The following TAFA5 variants were observed in gnomAD, a reference collection of about 807,000 sequenced individuals.
TAFA5 encodes the protein TAFA chemokine like family member 5.
A neutral mutation model predicts 15.3 loss-of-function variants in TAFA5; 6 were observed. The observed-to-expected ratio is 0.39, with a 90% CI of 0.21 to 0.77. The LOEUF is 0.77. Among genes scored for constraint, TAFA5 ranks in the 30% least tolerant of loss-of-function variants. The pLI, the probability that TAFA5 is intolerant of heterozygous loss-of-function variation, is 0.41. For synonymous variants in TAFA5, 103 were observed against 80.7 expected, an observed-to-expected ratio of 1.28 and a Z score of -1.48; for missense variants, 161 against 193.1, an observed-to-expected ratio of 0.83 and a Z score of 0.98.
At chr22:48,667,551 A>G (rs1927659390) in intron 2 of TAFA5, among the ~76,000 whole-genome samples, 1 of 152,040 alleles carries the variant, frequency 6.6e-6, no homozygotes, top group South Asian at 2.1e-4. Context: ...TCCCCTGTTG[A>G]TATTTATTTA....
chr22:48,591,041 G>A (rs1033948198), intron 1 of TAFA5, among the ~76,000 whole-genome samples: 1 of 152,106 alleles, frequency 6.6e-6, no homozygotes, highest in African/African-American at 2.4e-5. Flanking sequence ...TAGTAGAGAT[G>A]GGGTTTCGCC....
At position 48,509,844 on chromosome 22, in the gene TAFA5, G is replaced by A. The variant is rs191957864; in HGVS notation, c.112+20140G>A. Among the ~76,000 whole-genome samples, 3 of 151,888 alleles carry A rather than the reference G, an allele frequency of 2.0e-5. No homozygotes were observed. The East Asian group carries it at 5.8e-4, about 29-fold the overall frequency. ...CGGGCGCCTGTAGTCCCAGCTACTT[G>A]GGAGGCTGAGGCAGGAGAATGGCGT... is the stretch of plus-strand genomic sequence containing the variant. On this transcript the variant is annotated intron_variant, in intron 1 of 3. Coordinates refer to ENST00000402357, the MANE Select transcript of TAFA5 (RefSeq NM_001082967.3).
chr22:48,518,517 G>C (rs1170219170), intron 1 of TAFA5, among the ~76,000 whole-genome samples: 1 of 152,186 alleles, frequency 6.6e-6, no homozygotes, highest in Non-Finnish European at 1.5e-5. Context: ...GAGGGCTCTT[G>C]TCTCTTTTCC....
chr22:48,621,016 C>CTT (rs1925808185), intron 1 of TAFA5, among the ~76,000 whole-genome samples: 1 of 140,620 alleles, frequency 7.1e-6, no homozygotes, highest in Non-Finnish European at 1.5e-5. Context: ...TCCACCCATC[C>CTT]ACCCACACTA....
At chr22:48,586,313 C>T (rs750538892) in intron 1 of TAFA5, among the ~76,000 whole-genome samples, 17 of 152,252 alleles carry the variant, frequency 1.1e-4, no homozygotes, top group Admixed American at 4.6e-4. Context: ...CTGCATCACC[C>T]GTCTTGCAGG....
At chr22:48,673,412 T>G (rs1927863694) in intron 2 of TAFA5, among the ~76,000 whole-genome samples, 2 of 152,166 alleles carry the variant, frequency 1.3e-5, no homozygotes, top group South Asian at 4.1e-4. Flanking sequence ...GCCTGTCTCG[T>G]CGCTTTCTGG....
chr22:48,576,303 C>CCCCCA, intron 1 of TAFA5: 2 of 1,178,702 alleles, frequency 1.7e-6, no homozygotes, highest in East Asian at 3.6e-5. Context: ...CCCCCCTGCC[C>CCCCCA]AGAAAGACAC....
intron 1 of TAFA5, among the ~76,000 whole-genome samples, chr22:48,491,627 C>T (rs1928157526): frequency 6.6e-6 from 1 of 152,276 alleles, no homozygotes; most frequent in African/African-American, 2.4e-5. Context: ...GAGCGCGGTA[C>T]ACACTGTCTC....
At chr22:48,660,887 C>T (rs1927414906) in intron 2 of TAFA5, among the ~76,000 whole-genome samples, 1 of 152,248 alleles carries the variant, frequency 6.6e-6, no homozygotes, top group South Asian at 2.1e-4. Context: ...CCGATCCGTG[C>T]CTACAGCTGC....
intron 2 of TAFA5, among the ~76,000 whole-genome samples, chr22:48,651,132 C>T (rs1337273197): frequency 1.3e-5 from 2 of 152,216 alleles, no homozygotes; most frequent in Non-Finnish European, 2.9e-5. Flanking sequence ...ACTCCTTTCC[C>T]AGGAAATCAA....
intron 1 of TAFA5, among the ~76,000 whole-genome samples, chr22:48,583,429 C>A (rs528785429): frequency 6.7e-6 from 1 of 150,160 alleles, no homozygotes; most frequent in Non-Finnish European, 1.5e-5. Flanking sequence ...ACACACACCA[C>A]ACACACAGTA....
chr22:48,713,614 G>A (rs903093657), intron 3 of TAFA5, among the ~76,000 whole-genome samples: 1 of 152,228 alleles, frequency 6.6e-6, no homozygotes, highest in African/African-American at 2.4e-5. Context: ...CTCGTGGTTC[G>A]AGAGCTCTCC....
At chr22:48,493,358 TCTATAA>T (rs1928220499) in intron 1 of TAFA5, among the ~76,000 whole-genome samples, 1 of 152,036 alleles carries the variant, frequency 6.6e-6, no homozygotes, top group Non-Finnish European at 1.5e-5. Context: ...CATGTCCTCA[TCTATAA>T]CTATGAGAAG....
At chr22:48,622,531 G>C (rs1925876882) in intron 1 of TAFA5, among the ~76,000 whole-genome samples, 1 of 152,216 alleles carries the variant, frequency 6.6e-6, no homozygotes, top group Non-Finnish European at 1.5e-5. Context: ...CTTGGTGTCG[G>C]GAGGAGGAAG....
chr22:48,590,595 G>T (rs187115742), intron 1 of TAFA5, among the ~76,000 whole-genome samples: 1 of 152,012 alleles, frequency 6.6e-6, no homozygotes, highest in Non-Finnish European at 1.5e-5. Context: ...CCTGGGCCGA[G>T]CTGACCACGA....
intron 2 of TAFA5, among the ~76,000 whole-genome samples, chr22:48,655,830 CT>C (rs1197219539): frequency 0.016 from 1,014 of 62,342 alleles, 1 homozygote; most frequent in African/African-American, 0.067. Flanking sequence ...AACACTGATT[CT>C]TTTTTTTTTT....
intron 2 of TAFA5, among the ~76,000 whole-genome samples, chr22:48,707,144 C>T (rs1174890260): frequency 6.6e-6 from 1 of 151,924 alleles, no homozygotes; most frequent in Non-Finnish European, 1.5e-5. Flanking sequence ...CCCCAGGGGT[C>T]AGCCGGGCAT....
At chr22:48,631,602 G>A (rs892737296) in intron 1 of TAFA5, among the ~76,000 whole-genome samples, 2 of 152,214 alleles carry the variant, frequency 1.3e-5, no homozygotes, top group Admixed American at 1.3e-4. Flanking sequence ...CACAGCCCCG[G>A]CGTCACACCG....
intron 1 of TAFA5, among the ~76,000 whole-genome samples, chr22:48,602,933 C>T (rs1035600224): frequency 1.8e-4 from 27 of 152,092 alleles, no homozygotes; most frequent in African/African-American, 5.3e-4. Flanking sequence ...CCCCTGAGGC[C>T]GAGAGGCCCA....
Sources: allele counts gnomAD v4.1 joint callset (sites outside exome capture counted in the v4.1 genomes callset), GRCh38; gene constraint gnomAD v4.1.1; transcripts MANE v1.5; gene names NCBI Gene and HGNC (gene_info 2026-07-23, HGNC 2026-07-21).